CNTN1: variants seen among roughly 807,000 people sequenced by gnomAD.
CNTN1 encodes contactin-1.
A neutral mutation model predicts 126.4 loss-of-function variants in CNTN1; 38 were observed. The observed-to-expected ratio is 0.30, with a 90% confidence interval of 0.23 to 0.39. The LOEUF is 0.39. CNTN1 is among the 10% of genes least tolerant of loss of function. The pLI is 1.00. For missense variants in CNTN1, 1,009 were observed against 1,248.4 expected, an observed-to-expected ratio of 0.81 and a Z score of 2.89; for synonymous variants, 413 against 422.6, an observed-to-expected ratio of 0.98 and a Z score of 0.28.
At chr12:41,037,663 TACACACAC>T (rs55890336) in intron 23 of CNTN1, among the ~76,000 whole-genome samples, 6,801 of 144,454 alleles carry the variant, frequency 0.047, 162 homozygotes, top group Middle Eastern at 0.12. Context: ...GTGTGTTTAA[TACACACAC>T]ACACACACAC....
In CNTN1 at chr12:40,936,836, T is replaced by A; in HGVS notation, c.1041T>A (p.Asp347Glu). The A allele has an allele frequency of 6.2e-7, 1 of 1,613,386 alleles. No individual in the cohort carries two copies. The highest frequency in any genetic ancestry group is 8.5e-7 in the Non-Finnish European group (1 of 1,179,462). Residue 347 changes from aspartate to glutamate, a missense_variant, in exon 10 of 24, where the codon GAT (aspartate) becomes GAA (glutamate). Transcript: ENST00000551295. ...ACACAGAGGTGGACATAGGCAGTGA[T>A]CTCTACTGGCCTTGTGTGGCCACAG... The part of the protein sequence containing the change: ...INDTEVDIGS[D>E]LYWPCVATGK...
chr12:40,941,848 A>C (rs908455101), intron 12 of CNTN1, among the ~76,000 whole-genome samples: 2 of 152,116 alleles, frequency 1.3e-5, no homozygotes, highest in African/African-American at 4.8e-5. Flanking sequence ...TAAGATCTTG[A>C]GAGTTTAGTC....
chr12:40,888,911 T>A (rs537909309), intron 1 of CNTN1, among the ~76,000 whole-genome samples: 2 of 152,344 alleles, frequency 1.3e-5, no homozygotes, highest in East Asian at 3.9e-4. Context: ...GGGATACTCA[T>A]GTAAAGAACA....
intron 1 of CNTN1, among the ~76,000 whole-genome samples, chr12:40,882,900 C>A (rs1169628728): frequency 6.6e-6 from 1 of 151,384 alleles, no homozygotes; most frequent in Non-Finnish European, 1.5e-5. Context: ...ATTTTAGCTT[C>A]TTTGTGGTTT....
intron 1 of CNTN1, among the ~76,000 whole-genome samples, chr12:40,858,005 C>G (rs1942971994): frequency 6.6e-6 from 1 of 152,178 alleles, no homozygotes; most frequent in Non-Finnish European, 1.5e-5. Context: ...CACAGCTTAG[C>G]TGGATCCTCG....
rs36070275 is a variant in CNTN1 at position 40,949,569 on chromosome 12, C to CTTTTTTTT, written c.1683+5418_1683+5425dup. The stretch of plus-strand genomic sequence containing the variant: ...TGGGTTTTCTTCTTTTCTTTTCTTT[C>CTTTTTTTT]TTTTTTTTTTTTTTTTTTTTTTTTT... On this transcript the variant is annotated intron_variant, in intron 14 of 23. Transcript: ENST00000551295. Among the ~76,000 whole-genome samples, 60 of 64,346 alleles carry CTTTTTTTT rather than the reference C, an allele frequency of 9.3e-4. 1 individual carries two copies. Among genetic ancestry groups the CTTTTTTTT allele is most frequent in the Middle Eastern group, 0.013 (1 of 76 alleles). 42.2% of individuals were successfully genotyped at this position (64,346 alleles called of 152,430 possible).
intron 1 of CNTN1, among the ~76,000 whole-genome samples, chr12:40,758,945 C>T (rs781664767): frequency 6.6e-6 from 1 of 151,940 alleles, no homozygotes; most frequent in Non-Finnish European, 1.5e-5. Context: ...ACTCTTGTTG[C>T]CCAGGCTGGA....
chr12:40,933,332 A>T, intron 7 of CNTN1, 129 bp from the exon 8 acceptor site: 1 of 716,434 alleles, frequency 1.4e-6, no homozygotes, highest in Non-Finnish European at 2.5e-6. Context: ...CCATTATGAT[A>T]TGACCTGTAC....
intron 1 of CNTN1, among the ~76,000 whole-genome samples, chr12:40,795,883 G>T (rs905700304): frequency 6.6e-6 from 1 of 151,988 alleles, no homozygotes; most frequent in African/African-American, 2.4e-5. Context: ...TTTTACTTAA[G>T]TAATCAATGC....
chr12:41,051,355 G>A (rs1949676899), intron 23 of CNTN1, among the ~76,000 whole-genome samples: 3 of 151,302 alleles, frequency 2.0e-5, no homozygotes, highest in Admixed American at 6.6e-5. Flanking sequence ...ATTTCACCGT[G>A]TTAGCCAGGA....
intron 23 of CNTN1, 133 bp from the exon 24 acceptor site, chr12:41,069,826 A>G: frequency 1.4e-6 from 1 of 733,494 alleles, no homozygotes; most frequent in Non-Finnish European, 2.5e-6. Flanking sequence ...TGTAAGAATA[A>G]GAGATTCTGT....
chr12:40,827,207 G>T (rs759972265), intron 1 of CNTN1, among the ~76,000 whole-genome samples: 9 of 150,806 alleles, frequency 6.0e-5, no homozygotes, highest in Non-Finnish European at 1.0e-4. Flanking sequence ...TGAAAACAAT[G>T]CTGTGTTCTT....
At chr12:40,907,103 TTGA>T (rs1944859217) in intron 1 of CNTN1, among the ~76,000 whole-genome samples, 1 of 152,220 alleles carries the variant, frequency 6.6e-6, no homozygotes, top group Non-Finnish European at 1.5e-5. Context: ...TGTGTCATTA[TTGA>T]TGAGTGCTCT....
chr12:40,844,199 C>T (rs1565819542), intron 1 of CNTN1, among the ~76,000 whole-genome samples: 1 of 151,522 alleles, frequency 6.6e-6, no homozygotes, highest in African/African-American at 2.4e-5. Context: ...TCCCGAGTAG[C>T]TGGGTCTACA....
At chr12:40,778,417 T>A (rs1399238761) in intron 1 of CNTN1, among the ~76,000 whole-genome samples, 2 of 151,850 alleles carry the variant, frequency 1.3e-5, no homozygotes, top group South Asian at 2.1e-4. Context: ...AGAGACCATA[T>A]GGTCTGGAAA....
At chr12:40,837,664 A>G (rs1357467537) in intron 1 of CNTN1, among the ~76,000 whole-genome samples, 1 of 152,144 alleles carries the variant, frequency 6.6e-6, no homozygotes, top group East Asian at 1.9e-4. Flanking sequence ...CTGAGGTGTT[A>G]GGGAAACTTG....
At chr12:40,950,557 A>G (rs930829229) in intron 14 of CNTN1, among the ~76,000 whole-genome samples, 4 of 152,160 alleles carry the variant, frequency 2.6e-5, no homozygotes, top group Non-Finnish European at 5.9e-5. Context: ...AAAACATACA[A>G]AAGCATTCGG....
intron 1 of CNTN1, among the ~76,000 whole-genome samples, chr12:40,737,326 AGTGTGT>A (rs372061727): frequency 1.7e-5 from 2 of 118,996 alleles, no homozygotes; most frequent in African/African-American, 6.2e-5. Flanking sequence ...TATACATGGG[AGTGTGT>A]GTGTGTGTGT....
intron 1 of CNTN1, among the ~76,000 whole-genome samples, chr12:40,886,706 A>G (rs1944044897): frequency 2.0e-5 from 3 of 152,158 alleles, no homozygotes; most frequent in Admixed American, 2.0e-4. Context: ...TTTAGGTCTA[A>G]CATGTAAGTC....
Sources: allele counts gnomAD v4.1 joint callset (sites outside exome capture counted in the v4.1 genomes callset), GRCh38; gene constraint gnomAD v4.1.1; transcripts MANE v1.5; gene names NCBI Gene and HGNC (gene_info 2026-07-23, HGNC 2026-07-21).